Variants in BSPH1 observed in about 807,000 individuals in gnomAD.
BSPH1 encodes binder of sperm protein homolog 1, also known as binder of sperm 1.
In BSPH1, 21 loss-of-function variants were observed where a neutral mutation model predicts 22.5. The ratio of observed to expected loss-of-function variants is 0.93; its 90% confidence interval spans 0.66 to 1.35. The LOEUF (loss-of-function observed/expected upper bound fraction) is 1.35. BSPH1 is among the 40% of genes most tolerant of loss of function. The pLI is 0.00. For synonymous variants in BSPH1, 42 were observed against 53.6 expected (o/e 0.78, Z 0.95); for missense variants, 141 against 154.2 (o/e 0.91, Z 0.45).
At chr19:47,977,889 C>A (rs1393798351) in intron 3 of BSPH1, among the ~76,000 whole-genome samples, 11 of 151,280 alleles carry the variant, frequency 7.3e-5, no homozygotes, top group Admixed American at 6.6e-4. Flanking sequence ...CTCTCCCATG[C>A]AACTATACAT....
intron 3 of BSPH1, 101 bp from the exon 4 acceptor site, chr19:47,977,605 A>T (rs995608929): frequency 6.7e-7 from 1 of 1,487,010 alleles, no homozygotes; most frequent in African/African-American, 1.4e-5. Context: ...AATCAGAGTC[A>T]TTGGCTGTGG....
chr19:47,967,775 G>A (rs1969272335), downstream of BSPH1, among the ~76,000 whole-genome samples: 1 of 152,152 alleles, frequency 6.6e-6, no homozygotes, highest in Non-Finnish European at 1.5e-5. Context: ...AAAGGACACA[G>A]TTCAGCCCAT....
chr19:47,984,348 G>A (rs1969449386), intron 1 of BSPH1, among the ~76,000 whole-genome samples: 1 of 151,598 alleles, frequency 6.6e-6, no homozygotes, highest in Non-Finnish European at 1.5e-5. Flanking sequence ...TGAGGAAAGT[G>A]TAGAATGGAA....
intron 1 of BSPH1, among the ~76,000 whole-genome samples, chr19:47,990,118 CAAAAAAAAAAA>C (rs11329791): frequency 8.0e-5 from 8 of 99,688 alleles, no homozygotes; most frequent in African/African-American, 2.2e-4. Flanking sequence ...GACTCCATCT[CAAAAAAAAAAA>C]AAAAAAAAAA....
intron 1 of BSPH1, among the ~76,000 whole-genome samples, chr19:47,983,728 A>G (rs1969440760): frequency 6.6e-6 from 1 of 152,230 alleles, no homozygotes; most frequent in Non-Finnish European, 1.5e-5. Context: ...AGTGGACTAC[A>G]AAATGAAGCC....
intron 1 of BSPH1, among the ~76,000 whole-genome samples, chr19:47,989,171 G>A (rs1363849072): frequency 1.3e-5 from 2 of 148,896 alleles, no homozygotes; most frequent in Admixed American, 6.7e-5. Context: ...TTGAGATGGA[G>A]TCTTGCTCTT....
chr19:47,977,953 C>T (rs2122246906), intron 3 of BSPH1, among the ~76,000 whole-genome samples: 2 of 132,234 alleles, frequency 1.5e-5, no homozygotes, highest in Admixed American at 7.8e-5. Context: ...TATATATATA[C>T]TTATATATGT....
intron 5 of BSPH1, among the ~76,000 whole-genome samples, chr19:47,974,537 T>C (rs1969343492): frequency 6.6e-6 from 1 of 152,086 alleles, no homozygotes; most frequent in Non-Finnish European, 1.5e-5. Flanking sequence ...CCCAAAGTGC[T>C]GGGATTACAG....
Position 47,969,893 on chromosome 19 carries a change from TGAGA to T in BSPH1, c.*3-1688_*3-1685del, listed in dbSNP as rs904189326. On this transcript the variant is annotated intron_variant, in intron 5 of 5. Coordinates refer to ENST00000344839, the MANE Select transcript of BSPH1 (RefSeq NM_001128326.2). ...ACTTTAGAATTTATTTTTGTGTGTG[TGAGA>T]GAGAGACTTTAGAATTTATGTTTGT... is the stretch of plus-strand genomic sequence containing the variant. Among the ~76,000 whole-genome samples, 8 of 151,446 alleles carry T rather than the reference TGAGA, an allele frequency of 5.3e-5. No homozygotes were observed. In the South Asian group the frequency reaches 8.4e-4, roughly 16 times the overall value.
At chr19:47,972,132 C>T (rs73049789) in intron 5 of BSPH1, among the ~76,000 whole-genome samples, 3,079 of 152,264 alleles carry the variant, frequency 0.02, 48 homozygotes, top group Non-Finnish European at 0.031. Context: ...TGGCACTTTC[C>T]TCGTCTTCAA....
intron 1 of BSPH1, among the ~76,000 whole-genome samples, chr19:47,988,591 C>T (rs1969493284): frequency 6.6e-6 from 1 of 152,212 alleles, no homozygotes; most frequent in South Asian, 2.1e-4. Flanking sequence ...CCTCCTCATC[C>T]TCTTTAAATA....
intron 3 of BSPH1, 51 bp from the exon 4 acceptor site, chr19:47,977,555 T>A: frequency 6.5e-7 from 1 of 1,539,456 alleles, no homozygotes; most frequent in Middle Eastern, 1.7e-4. Flanking sequence ...AGGAGAGAGG[T>A]TATCAAGCGA....
rs192723311 is a variant in BSPH1 at position 47,974,331 on chromosome 19, A to G, written c.*2+2379T>C. Among the ~76,000 whole-genome samples the G allele has an allele frequency of 4.3e-4, 59 of 138,490 alleles. 1 individual carries two copies. The highest frequency in any genetic ancestry group is 1.3e-3 in the African/African-American group (48 of 35,894). 90.9% of individuals were successfully genotyped at this position (138,490 alleles called of 152,430 possible). A position where few individuals can be genotyped will look rare whatever the true frequency, so the allele number is the denominator to read the frequency against. ...GTCACCCAGGCTGGAGTGCAATGGC[A>G]CGATCTCGGCTCAATGCAACCTCCA... On this transcript the variant is annotated intron_variant, in intron 5 of 5. Coordinates refer to ENST00000344839, the MANE Select transcript of BSPH1 (RefSeq NM_001128326.2).
intron 5 of BSPH1, among the ~76,000 whole-genome samples, chr19:47,973,487 C>G (rs1362009926): frequency 6.6e-6 from 1 of 152,130 alleles, no homozygotes; most frequent in African/African-American, 2.4e-5. Flanking sequence ...CAAACACATA[C>G]ACTTTTCATT....
chr19:47,989,786 A>G (rs541514220), intron 1 of BSPH1, among the ~76,000 whole-genome samples: 2 of 152,194 alleles, frequency 1.3e-5, no homozygotes, highest in African/African-American at 4.8e-5. Context: ...CAGCATCAAA[A>G]ACTTGCAGTT....
At chr19:47,986,943 GC>G (rs1318613144) in intron 1 of BSPH1, among the ~76,000 whole-genome samples, 3 of 152,142 alleles carry the variant, frequency 2.0e-5, no homozygotes, top group Non-Finnish European at 2.9e-5. Context: ...CTGCTGGCAA[GC>G]TGTGGCATTC....
intron 3 of BSPH1, 94 bp from the exon 4 acceptor site, chr19:47,977,598 CAG>C (rs1392273274): frequency 2.7e-6 from 4 of 1,498,228 alleles, no homozygotes; most frequent in Middle Eastern, 1.7e-4. Context: ...CCTTTGAAAT[CAG>C]AGTCATTGGC....
intron 5 of BSPH1, among the ~76,000 whole-genome samples, chr19:47,975,276 C>T (rs1184352712): frequency 6.6e-6 from 1 of 152,210 alleles, no homozygotes; most frequent in Non-Finnish European, 1.5e-5. Context: ...AGCAATCCTT[C>T]TGCCTCTGCC....
downstream of BSPH1, among the ~76,000 whole-genome samples, chr19:47,967,655 C>A (rs1969271265): frequency 6.6e-6 from 1 of 152,150 alleles, no homozygotes; most frequent in Non-Finnish European, 1.5e-5. Flanking sequence ...TGGATTAGTG[C>A]CTACTCTGAA....
Sources: allele counts gnomAD v4.1 joint callset (sites outside exome capture counted in the v4.1 genomes callset), GRCh38; gene constraint gnomAD v4.1.1; transcripts MANE v1.5; gene names NCBI Gene and HGNC (gene_info 2026-07-23, HGNC 2026-07-21).